Variants in GMDS observed in about 807,000 individuals in gnomAD.
GMDS encodes the protein GDP-mannose 4,6-dehydratase, also known as GDP-mannose 4,6 dehydratase.
In GMDS, 20 loss-of-function variants were observed where a neutral mutation model predicts 49.9. The ratio of observed to expected loss-of-function variants is 0.40; its 90% CI spans 0.28 to 0.58. The LOEUF is 0.58. Among genes scored for constraint, GMDS ranks in the 20% least tolerant of loss-of-function variants. The pLI is 0.42. For missense variants in GMDS, 362 were observed against 481.4 expected, an observed-to-expected ratio of 0.75 and a Z score of 2.32; for synonymous variants, 177 against 178.6, an observed-to-expected ratio of 0.99 and a Z score of 0.07.
chr6:1,676,116 CA>C (rs1764614699), intron 9 of GMDS, among the ~76,000 whole-genome samples: 1 of 152,180 alleles, frequency 6.6e-6, no homozygotes, highest in Non-Finnish European at 1.5e-5. Context: ...GCAAAAATCA[CA>C]AGCATTCTTA....
intron 1 of GMDS, among the ~76,000 whole-genome samples, chr6:2,208,615 A>G (rs1258727436): frequency 6.6e-6 from 1 of 152,198 alleles, no homozygotes; most frequent in Non-Finnish European, 1.5e-5. Context: ...AACTGTCTGC[A>G]TAATTATTCA....
At chr6:2,180,518 C>G (rs1778473109) in intron 1 of GMDS, among the ~76,000 whole-genome samples, 1 of 152,052 alleles carries the variant, frequency 6.6e-6, no homozygotes, top group Non-Finnish European at 1.5e-5. Context: ...GAATTTTTCC[C>G]TTTTTCCTCT....
intron 4 of GMDS, among the ~76,000 whole-genome samples, chr6:1,992,290 C>A (rs531149479): frequency 2.1e-4 from 32 of 152,184 alleles, no homozygotes; most frequent in Admixed American, 5.9e-4. Context: ...CTAAAATCTC[C>A]TCACTAACCT....
At chr6:1,760,835 A>G (rs1272948205) in intron 7 of GMDS, among the ~76,000 whole-genome samples, 2 of 152,218 alleles carry the variant, frequency 1.3e-5, no homozygotes, top group Non-Finnish European at 2.9e-5. Flanking sequence ...CACTATGAGG[A>G]GTATCTGAGC....
intron 7 of GMDS, among the ~76,000 whole-genome samples, chr6:1,892,130 C>T (rs1403690490): frequency 1.3e-5 from 2 of 151,962 alleles, no homozygotes; most frequent in African/African-American, 4.8e-5. Context: ...ATGTAAGTAG[C>T]ACCTATTATT....
intron 4 of GMDS, among the ~76,000 whole-genome samples, chr6:1,971,923 G>A (rs1405023123): frequency 6.6e-6 from 1 of 152,174 alleles, no homozygotes; most frequent in Admixed American, 6.5e-5. Flanking sequence ...CTCAGCCACT[G>A]CTCTGGAAGA....
chr6:2,112,771 T>C lies in GMDS; in HGVS notation c.345+3000A>G, dbSNP rs766911216. On this transcript the variant is annotated intron_variant, in intron 4 of 10. Coordinates refer to ENST00000380815, the MANE Select transcript of GMDS (RefSeq NM_001500.4). ...GGCCTAACTGGCAAGGCCGGTGACTTTTCCTGGTCCTCATTCTCCTAGCCT... is the reference window on the plus strand; with the variant it reads ...GGCCTAACTGGCAAGGCCGGTGACTCTTCCTGGTCCTCATTCTCCTAGCCT... Among the ~76,000 whole-genome samples the C allele has an allele frequency of 1.2e-4, 18 of 152,222 alleles. 1 individual carries two copies. The Middle Eastern group carries it at 0.02, about 173-fold the overall frequency.
chr6:1,633,173 T>C (rs1270877062), intron 9 of GMDS, among the ~76,000 whole-genome samples: 1 of 152,226 alleles, frequency 6.6e-6, no homozygotes, highest in Non-Finnish European at 1.5e-5. Context: ...AGTAACATCA[T>C]GGATGAAGAT....
intron 4 of GMDS, among the ~76,000 whole-genome samples, chr6:2,058,338 C>CA (rs11390421): frequency 0.38 from 34,291 of 89,966 alleles, 4,550 homozygotes; most frequent in African/African-American, 0.4. Flanking sequence ...GAGTAAGACT[C>CA]AAAAAAAAAA....
intron 7 of GMDS, among the ~76,000 whole-genome samples, chr6:1,849,765 G>A (rs954280822): frequency 6.6e-6 from 1 of 152,030 alleles, no homozygotes; most frequent in South Asian, 2.1e-4. Flanking sequence ...CTAGAGACTC[G>A]ACAGAACAGA....
chr6:2,117,367 T>C (rs879119553), intron 3 of GMDS, 102 bp downstream of exon 3: 2 of 748,104 alleles, frequency 2.7e-6, no homozygotes, highest in East Asian at 2.5e-5. Context: ...TTGTGACTTG[T>C]TGGGCTTTGA....
At chr6:2,085,841 G>T (rs576267762) in intron 4 of GMDS, among the ~76,000 whole-genome samples, 2 of 152,204 alleles carry the variant, frequency 1.3e-5, no homozygotes, top group South Asian at 4.1e-4. Flanking sequence ...ATGAAATGTA[G>T]ACATTACTAA....
intron 4 of GMDS, among the ~76,000 whole-genome samples, chr6:2,078,112 G>T (rs1772454786): frequency 6.6e-6 from 1 of 151,922 alleles, no homozygotes; most frequent in African/African-American, 2.4e-5. Flanking sequence ...GTATTTCTGT[G>T]GTATCAGATG....
intron 1 of GMDS, among the ~76,000 whole-genome samples, chr6:2,224,255 A>G (rs146376045): frequency 1.6e-3 from 245 of 152,314 alleles, no homozygotes; most frequent in Non-Finnish European, 2.8e-3. Context: ...AATGAGAAAG[A>G]TACTGACAGC....
At chr6:2,040,293 T>C (rs1769593973) in intron 4 of GMDS, among the ~76,000 whole-genome samples, 1 of 152,186 alleles carries the variant, frequency 6.6e-6, no homozygotes, top group Non-Finnish European at 1.5e-5. Flanking sequence ...AGAACATTCA[T>C]CAATGTTGAT....
intron 6 of GMDS, among the ~76,000 whole-genome samples, chr6:1,945,142 G>A (rs373340644): frequency 5.3e-5 from 8 of 152,204 alleles, no homozygotes; most frequent in South Asian, 2.1e-4. Flanking sequence ...CTTAGTTGTC[G>A]ACATACAATA....
At chr6:2,181,820 T>A (rs1778551157) in intron 1 of GMDS, among the ~76,000 whole-genome samples, 2 of 152,158 alleles carry the variant, frequency 1.3e-5, no homozygotes, top group African/African-American at 4.8e-5. Flanking sequence ...AAAACAACAT[T>A]GAAATTAGAC....
chr6:1,687,821 G>C (rs73398792), intron 9 of GMDS, among the ~76,000 whole-genome samples: 14,029 of 152,096 alleles, frequency 0.092, 740 homozygotes, highest in African/African-American at 0.14. Flanking sequence ...GGTCAGTGTG[G>C]TTGGAGAGAG....
chr6:1,696,283 G>T (rs892224152), intron 9 of GMDS, among the ~76,000 whole-genome samples: 2 of 152,210 alleles, frequency 1.3e-5, no homozygotes, highest in African/African-American at 4.8e-5. Context: ...AACTTTTCCC[G>T]AAGAGCGCAG....
Sources: allele counts gnomAD v4.1 joint callset (sites outside exome capture counted in the v4.1 genomes callset), GRCh38; gene constraint gnomAD v4.1.1; transcripts MANE v1.5; gene names NCBI Gene and HGNC (gene_info 2026-07-23, HGNC 2026-07-21).